MCF2L2: variants seen among roughly 807,000 people sequenced by gnomAD.
MCF2L2 encodes the protein MCF.2 cell line derived transforming sequence-like 2.
Under a neutral mutation model 150.2 loss-of-function variants are expected in MCF2L2, and 102 were observed. The ratio of observed to expected loss-of-function variants is 0.68; its 90% CI spans 0.58 to 0.80. The LOEUF (loss-of-function observed/expected upper bound fraction) is 0.80, where lower values mean the gene tolerates loss of function less well. Ranked by LOEUF, MCF2L2 falls within the 30% of genes least tolerant of loss-of-function variation. The pLI is 0.00. For missense variants in MCF2L2, 1,256 were observed against 1,372.8 expected, an observed-to-expected ratio of 0.91 and a Z score of 1.34; for synonymous variants, 465 against 491.3, an observed-to-expected ratio of 0.95 and a Z score of 0.71.
Position 183,207,708 on chromosome 3 carries a change from T to C in MCF2L2, c.2612A>G (p.Gln871Arg), listed in dbSNP as rs1395416661. The C allele has an allele frequency of 5.0e-6, 8 of 1,614,112 alleles. No homozygotes were observed. Among genetic ancestry groups the C allele is most frequent in the African/African-American group, 1.3e-5 (1 of 74,954 alleles). Reference sequence around the variant, plus strand: ...TATTCCCCTTTCAAATAGGTAGATTTGCCTCTGGCTGGGTTTAAATCGAAT... The same window carrying C: ...TATTCCCCTTTCAAATAGGTAGATTCGCCTCTGGCTGGGTTTAAATCGAAT... ...DLIRFKPSQR[Q>R]IYLFERGIVF... The change falls in exon 23 of 30, where the codon CAA becomes CGA. Residue 871 changes from glutamine to arginine, a missense_variant. Transcript: ENST00000328913.
chr3:183,229,860 A>C (rs921935347), intron 16 of MCF2L2, 79 bp from the exon 17 acceptor site: 5 of 597,324 alleles, frequency 8.4e-6, no homozygotes, highest in Non-Finnish European at 1.5e-5. Context: ...GCAAAACCCA[A>C]AACTTTAGTG....
Position 183,295,451 on chromosome 3 carries a change from C to A in MCF2L2, c.1524G>T (p.Arg508Ser), listed in dbSNP as rs1025844130. The change falls in exon 13 of 30, where the codon AGG (arginine) becomes AGT (serine). Residue 508 changes from arginine to serine, a missense_variant. Arg to Ser is a moderately radical substitution (Grantham distance 110, BLOSUM62 -1). Transcript: ENST00000328913. The stretch of plus-strand genomic sequence containing the variant: ...GAAATATTTCCTGGACATCATCCAG[C>A]CTCTGCAAAACTTTCTGGGCTTTGG... ...AKAKAQKVLQ[R>S]LDDVQEIFHK... 3 of 1,614,056 alleles carry A rather than the reference C, an allele frequency of 1.9e-6. No homozygotes were observed. The highest frequency in any genetic ancestry group is 2.5e-6 in the Non-Finnish European group (3 of 1,179,986).
At chr3:183,289,302 G>C in intron 13 of MCF2L2, 82 bp from the exon 14 acceptor site, 1 of 898,880 alleles carries the variant, frequency 1.1e-6, no homozygotes, top group Non-Finnish European at 1.8e-6. Flanking sequence ...ACAAATAGCT[G>C]GACCACGTCA....
At chr3:183,286,804 C>T (rs1244354064) in intron 14 of MCF2L2, among the ~76,000 whole-genome samples, 1 of 152,238 alleles carries the variant, frequency 6.6e-6, no homozygotes, top group African/African-American at 2.4e-5. Flanking sequence ...TGTTCCTACT[C>T]TGCTTCCTCC....
rs373754582 is a variant in MCF2L2 at position 183,296,991 on chromosome 3, G to C, written c.1482C>G (p.Leu494=). 991 of 1,613,838 alleles carry C rather than the reference G, an allele frequency of 6.1e-4. 18 individuals carry two copies. The South Asian group carries it at 6.5e-3, about 11-fold the overall frequency. Residue 494 remains leucine (L), a synonymous_variant, in exon 12 of 30, where the codon CTC becomes CTG. Transcript: ENST00000328913. ...GAAGCATTACCTTTGCATCGAGGGT[G>C]AGCAGCAACTCAAACTCGTTGTAAA... ...KEFYNEFELL[L]TLDAKAKAQK... is the part of the protein sequence containing the mutation.
At chr3:183,342,058 T>G (rs1358885467) in intron 3 of MCF2L2, among the ~76,000 whole-genome samples, 1 of 152,132 alleles carries the variant, frequency 6.6e-6, no homozygotes, top group Admixed American at 6.5e-5. Flanking sequence ...GAGGGAGTAA[T>G]GAGAGAGGTG....
chr3:183,367,219 CTT>C (rs1013010986), intron 3 of MCF2L2, among the ~76,000 whole-genome samples: 2 of 150,016 alleles, frequency 1.3e-5, no homozygotes. Flanking sequence ...TCTTTTCTTT[CTT>C]TCTTTCTTTT....
At chr3:183,421,701 T>G (rs1715891627) in intron 1 of MCF2L2, among the ~76,000 whole-genome samples, 1 of 152,228 alleles carries the variant, frequency 6.6e-6, no homozygotes, top group East Asian at 1.9e-4. Context: ...CACTTTCCTG[T>G]TTGTTTGAAG....
At chr3:183,228,582 C>T (rs562114588) in intron 17 of MCF2L2, among the ~76,000 whole-genome samples, 57 of 152,088 alleles carry the variant, frequency 3.7e-4, no homozygotes, top group Non-Finnish European at 6.2e-4. Context: ...TTAAGTTGTT[C>T]GATCTGTTGC....
chr3:183,296,595 C>T (rs867220646), intron 12 of MCF2L2: 3 of 173,848 alleles, frequency 1.7e-5, no homozygotes, highest in Admixed American at 5.5e-5. Flanking sequence ...CTTGACAGCA[C>T]TTATATCAGC....
intron 15 of MCF2L2, among the ~76,000 whole-genome samples, chr3:183,269,073 A>G (rs1726442797): frequency 2.0e-5 from 3 of 152,014 alleles, no homozygotes. Context: ...GCAAGCCTTA[A>G]TGGATTTTTA....
chr3:183,373,524 C>T (rs1713009977), intron 3 of MCF2L2: 1 of 152,166 alleles, frequency 6.6e-6, no homozygotes, highest in South Asian at 2.1e-4. Context: ...TATCCAAAAG[C>T]TAAGTCGGAT....
intron 9 of MCF2L2, 157 bp downstream of exon 9, chr3:183,310,758 A>G (rs746770809): frequency 4.1e-4 from 247 of 597,098 alleles, no homozygotes; most frequent in Admixed American, 1.1e-3. Flanking sequence ...AAAAGTGAGA[A>G]GGGGGTTGGA....
chr3:183,248,060 T>A (rs1420266618), intron 15 of MCF2L2, among the ~76,000 whole-genome samples: 2 of 152,168 alleles, frequency 1.3e-5, no homozygotes, highest in Non-Finnish European at 2.9e-5. Context: ...TTTTTGCAGA[T>A]CTATTTGTGT....
rs138120047 is a variant in MCF2L2, at chr3:183,260,187, A to G, written c.1862+16685T>C. 1.7e-4 allele frequency among the ~76,000 whole-genome samples: 26 copies of G among 152,242 alleles called. No individual in the cohort carries two copies. In the East Asian group the frequency reaches 4.4e-3, roughly 26 times the overall value. On this transcript the variant is annotated intron_variant, in intron 15 of 29. Coordinates refer to ENST00000328913, the MANE Select transcript of MCF2L2 (RefSeq NM_015078.4). ...TAACTCGGTATCTCGATGCCTCAGT[A>G]TCTTCTGCAAAATGTGGAGGGAGAT...
intron 10 of MCF2L2, among the ~76,000 whole-genome samples, chr3:183,302,380 C>T (rs1577045548): frequency 1.3e-5 from 2 of 152,254 alleles, no homozygotes; most frequent in Admixed American, 1.3e-4. Flanking sequence ...CAGGGACAAG[C>T]CGTGCAGTAC....
intron 15 of MCF2L2, chr3:183,269,647 G>T (rs1417406899): frequency 1.4e-6 from 1 of 693,602 alleles, no homozygotes; most frequent in Non-Finnish European, 2.3e-6. Flanking sequence ...GGGACTAAAA[G>T]AAACTATTTT....
chr3:183,357,629 G>A (rs1273068072), intron 3 of MCF2L2, among the ~76,000 whole-genome samples: 1 of 152,112 alleles, frequency 6.6e-6, no homozygotes, highest in Non-Finnish European at 1.5e-5. Flanking sequence ...GAAAAAGACT[G>A]TCCGGCCCTG....
chr3:183,394,808 T>C (rs951960799), intron 1 of MCF2L2, among the ~76,000 whole-genome samples: 3 of 152,178 alleles, frequency 2.0e-5, no homozygotes, highest in African/African-American at 7.2e-5. Context: ...CATAAAATAA[T>C]TGAGATTCTA....
Sources: allele counts gnomAD v4.1 joint callset (sites outside exome capture counted in the v4.1 genomes callset), GRCh38; gene constraint gnomAD v4.1.1; transcripts MANE v1.5; gene names NCBI Gene and HGNC (gene_info 2026-07-23, HGNC 2026-07-21).